Variants in UNK observed in about 807,000 individuals in gnomAD.
UNK encodes RING finger protein unkempt homolog.
A neutral mutation model predicts 97.6 loss-of-function variants in UNK; 32 were observed. That is an observed-to-expected ratio of 0.33 (90% CI 0.25 to 0.44). UNK has a LOEUF of 0.44. Ranked by LOEUF, UNK falls within the 20% of genes least tolerant of loss-of-function variation. The probability of loss-of-function intolerance (pLI) is 1.00; values close to 1 mark genes in which losing one functional copy is unlikely to be tolerated. For missense variants in UNK, 771 were observed against 1,098.4 expected (o/e 0.70, Z 4.21); for synonymous variants, 441 against 461.2 (o/e 0.96, Z 0.56).
chr17:75,822,641 T>G lies in UNK; in HGVS notation c.2002T>G (p.Trp668Gly), dbSNP rs1400984937. Reference protein sequence around the residue: ...NSTIKQWEESWKQAKQACDAW... With the variant: ...NSTIKQWEESGKQAKQACDAW... ...CACCATCAAGCAGTGGGAGGAGTCC[T>G]GGAAGCAGGCCAAGCAGGTACCAGG... The change falls in exon 14 of 16, where the codon TGG becomes GGG. Residue 668 changes from tryptophan to glycine, a missense_variant. This residue lies in a region of UNK where 208 missense variants were observed against 257.4 expected (regional missense o/e 0.81). Transcript: ENST00000589666. 6 of 1,608,518 alleles carry G rather than the reference T, an allele frequency of 3.7e-6. No individual in the cohort carries two copies. The highest frequency in any genetic ancestry group is 3.4e-6 in the Non-Finnish European group (4 of 1,177,524).
intron 2 of UNK, 132 bp downstream of exon 2, chr17:75,810,101 G>A: frequency 9.2e-7 from 1 of 1,087,500 alleles, no homozygotes; most frequent in Non-Finnish European, 1.3e-6. Context: ...CCCGAGCCTG[G>A]ACTCAGACCC....
chr17:75,793,069 T>TA (rs768317940), intron 1 of UNK, among the ~76,000 whole-genome samples: 18 of 152,214 alleles, frequency 1.2e-4, no homozygotes, highest in Non-Finnish European at 1.0e-4. Flanking sequence ...AGATAAGAAA[T>TA]ACGTATTCAG....
At position 75,785,093 on chromosome 17, in the gene UNK, C is replaced by T. The variant is rs9903538; in HGVS notation, c.104+109C>T. ...AGGCGGCCTCTTCCTCCCCCCCTTC[C>T]TCCTCCGGCCCGGCCCAGACCGGTT... On this transcript the variant is annotated intron_variant, in intron 1 of 15. Coordinates refer to ENST00000589666, the MANE Select transcript of UNK (RefSeq NM_001080419.3). 621 of 702,688 alleles carry T rather than the reference C, an allele frequency of 8.8e-4. 4 individuals carry two copies. The highest frequency in any genetic ancestry group is 1.3e-3 in the African/African-American group (66 of 51,904). 43.5% of individuals were successfully genotyped at this position (702,688 alleles called of 1,614,324 possible).
rs866279113 is a variant in UNK, at chr17:75,795,975, T to A, written c.104+10991T>A. On this transcript the variant is annotated intron_variant, in intron 1 of 15. Transcript: ENST00000589666. Reference sequence around the variant, plus strand: ...GCTCCCCCACTGTAAAACACTGACTTGCTTGAGTGCCCGTAGCACTTGAAC... The same window carrying A: ...GCTCCCCCACTGTAAAACACTGACTAGCTTGAGTGCCCGTAGCACTTGAAC... 2.6e-5 allele frequency among the ~76,000 whole-genome samples: 4 copies of A among 152,302 alleles called. No homozygotes were observed. In the Middle Eastern group the frequency reaches 0.01, roughly 389 times the overall value.
At chr17:75,801,213 GTT>G (rs1193336403) in intron 1 of UNK, among the ~76,000 whole-genome samples, 2 of 152,006 alleles carry the variant, frequency 1.3e-5, no homozygotes, top group Non-Finnish European at 2.9e-5. Flanking sequence ...AGCATACCAT[GTT>G]TTATACGTTC....
chr17:75,818,913 C>T lies in UNK; in HGVS notation c.1546+97C>T, dbSNP rs1274122592. On this transcript the variant is annotated intron_variant, in intron 11 of 15. Transcript: ENST00000589666. This position sits in a 1 kb window ranked among gnomAD's most constrained non-coding sequence, Gnocchi z 5.1. ...AGTCTCAAATCAGCACACCAGACCC[C>T]TTAGACATCTGTCTTCGGAAAATCA... 1 of 1,351,220 alleles carries T rather than the reference C, an allele frequency of 7.4e-7. No individual in the cohort carries two copies. The highest frequency in any genetic ancestry group is 9.8e-7 in the Non-Finnish European group (1 of 1,022,324). 83.7% of individuals were successfully genotyped at this position (1,351,220 alleles called of 1,614,324 possible).
At position 75,812,194 on chromosome 17, in the gene UNK, G is replaced by C. The variant is rs1342229606; in HGVS notation, c.397G>C (p.Glu133Gln). 6.2e-7 allele frequency: 1 copy of C among 1,613,944 alleles called. No individual in the cohort carries two copies. The highest frequency in any genetic ancestry group is 8.5e-7 in the Non-Finnish European group (1 of 1,179,946). Residue 133 changes from glutamate (E) to glutamine (Q), a missense_variant, in exon 3 of 16, where the codon GAG becomes CAG. By Grantham distance (29) the Glu-to-Gln change is conservative. This residue lies in a region of UNK where 246 missense variants were observed against 440.7 expected (regional missense o/e 0.56). Transcript: ENST00000589666. ...RYYKTGICIH[E>Q]TDSKGNCTKN... Reference sequence around the variant, plus strand: ...CTACAAAACTGGAATCTGCATCCACGAGACAGACTCGAAAGGCAACTGCAC... The same window carrying C: ...CTACAAAACTGGAATCTGCATCCACCAGACAGACTCGAAAGGCAACTGCAC...
chr17:75,823,441 C>A lies in UNK; in HGVS notation c.2196C>A (p.Phe732Leu). ...CTGAGCCCCAGGCCCTGCCCGCCTT[C>A]TCCGACCTGGAGGCGCTCTCACTCT... Reference protein sequence around the residue: ...AGPEPQALPAFSDLEALSLST... With the variant: ...AGPEPQALPALSDLEALSLST... The change falls in exon 15 of 16, where the codon TTC becomes TTA. Residue 732 changes from phenylalanine (F) to leucine (L), a missense_variant. Phe to Leu is a conservative substitution (Grantham distance 22, BLOSUM62 0). Around this residue, in one of 5 missense-constraint regions of UNK, gnomAD observed 208 missense variants for 257.4 expected, o/e 0.81. Coordinates refer to ENST00000589666, the MANE Select transcript of UNK (RefSeq NM_001080419.3). 1 of 1,589,538 alleles carries A rather than the reference C, an allele frequency of 6.3e-7. No homozygotes were observed. The highest frequency in any genetic ancestry group is 8.6e-7 in the Non-Finnish European group (1 of 1,166,332).
rs534424718 is a variant in UNK, at chr17:75,817,206, G to A, written c.1105-120G>A. 28 of 1,205,262 alleles carry A rather than the reference G, an allele frequency of 2.3e-5. No homozygotes were observed. The highest frequency in any genetic ancestry group is 6.1e-5 in the African/African-American group (4 of 65,112). The allele number at this position is 1,205,262 out of a possible 1,614,324, so 74.7% of individuals were successfully genotyped here. A position where few individuals can be genotyped will look rare whatever the true frequency, so the allele number is the denominator to read the frequency against. The stretch of plus-strand genomic sequence containing the variant: ...GCTCCCCGAGTGGTCACTGCTGCTC[G>A]TTGGCAGATGAAAGTGGAACTGAGC... On this transcript the variant is annotated intron_variant, in intron 8 of 15. Coordinates refer to ENST00000589666, the MANE Select transcript of UNK (RefSeq NM_001080419.3). The surrounding 1 kb of genome is among the most constrained non-coding windows in gnomAD (Gnocchi z 5.8).
chr17:75,803,760 T>A (rs921045114), intron 1 of UNK, among the ~76,000 whole-genome samples: 9 of 152,190 alleles, frequency 5.9e-5, no homozygotes, highest in Non-Finnish European at 1.2e-4. Context: ...CGCGCAGTAG[T>A]TTGATGGCTT....
intron 1 of UNK, among the ~76,000 whole-genome samples, chr17:75,801,911 G>C (rs959145805): frequency 6.6e-6 from 1 of 150,648 alleles, no homozygotes; most frequent in South Asian, 2.1e-4. Context: ...GTACAGTGGT[G>C]CGCTCAGCTC....
intron 13 of UNK, 151 bp from the exon 14 acceptor site, chr17:75,822,326 C>T: frequency 1.0e-6 from 1 of 953,654 alleles, no homozygotes; most frequent in Admixed American, 2.9e-5. Flanking sequence ...CACAGCCTTC[C>T]TGTCCCTGCA....
At position 75,817,402 on chromosome 17, in the gene UNK, C is replaced by T. The variant is rs2062027083; in HGVS notation, c.1181C>T (p.Pro394Leu). 3 of 1,612,372 alleles carry T rather than the reference C, an allele frequency of 1.9e-6. No individual in the cohort carries two copies. The highest frequency in any genetic ancestry group is 2.2e-5 in the East Asian group (1 of 44,868). The change falls in exon 9 of 16, where the codon CCA (proline) becomes CTA (leucine). Residue 394 changes from proline to leucine, a missense_variant. Around this residue, in one of 5 missense-constraint regions of UNK, gnomAD observed 192 missense variants for 202.4 expected, o/e 0.95. Transcript: ENST00000589666. This position sits in a 1 kb window ranked among gnomAD's most constrained non-coding sequence, Gnocchi z 5.8. ...GSPPGSIRKPPNLEGIVFPGE... is the reference protein window; with the variant it reads ...GSPPGSIRKPLNLEGIVFPGE... ...CCACCGGGCTCCATCAGGAAGCCCC[C>T]AAACCTGGAGGGCATCGTCTTCCCT...
chr17:75,786,286 G>A (rs980112332), intron 1 of UNK, among the ~76,000 whole-genome samples: 3 of 152,152 alleles, frequency 2.0e-5, no homozygotes, highest in Non-Finnish European at 2.9e-5. Context: ...GTTGAATGGT[G>A]TAGTCTTGAT....
At chr17:75,794,699 G>C (rs1460882353) in intron 1 of UNK, among the ~76,000 whole-genome samples, 1 of 152,064 alleles carries the variant, frequency 6.6e-6, no homozygotes, top group Non-Finnish European at 1.5e-5. Context: ...CTGACTCCAG[G>C]GTCACACCAC....
chr17:75,816,787 G>C lies in UNK; in HGVS notation c.979G>C (p.Asp327His), dbSNP rs763227592. ...AHVEQPPLSDDLQPSSAVSSP... is the reference protein window; with the variant it reads ...AHVEQPPLSDHLQPSSAVSSP... ...TCTTGCAGAGCCACCCCTGAGTGAC[G>C]ACCTGCAGCCTTCCTCAGCTGTGTC... Residue 327 changes from aspartate (D) to histidine (H), a missense_variant, in exon 8 of 16, where the codon GAC (aspartate) becomes CAC (histidine). Coordinates refer to ENST00000589666, the MANE Select transcript of UNK (RefSeq NM_001080419.3). This position sits in a 1 kb window ranked among gnomAD's most constrained non-coding sequence, Gnocchi z 4.0. 3 of 1,604,132 alleles carry C rather than the reference G, an allele frequency of 1.9e-6. No individual in the cohort carries two copies. The highest frequency in any genetic ancestry group is 1.7e-5 in the Admixed American group (1 of 59,968).
intron 1 of UNK, among the ~76,000 whole-genome samples, chr17:75,797,095 TTTTCC>T (rs916043161): frequency 2.0e-5 from 3 of 152,278 alleles, no homozygotes; most frequent in East Asian, 1.9e-4. Context: ...GGCTTTTTGT[TTTTCC>T]TTTCCTTTAG....
At chr17:75,803,124 C>CACGGTG in intron 1 of UNK, among the ~76,000 whole-genome samples, 1 of 149,312 alleles carries the variant, frequency 6.7e-6, no homozygotes, top group Non-Finnish European at 1.5e-5. Context: ...ACAGGCCGGA[C>CACGGTG]GCGGTGGCTC....
chr17:75,820,114 A>C lies in UNK; in HGVS notation c.1837+6A>C. The C allele has an allele frequency of 6.2e-7, 1 of 1,604,122 alleles. No individual in the cohort carries two copies. On this transcript the variant is annotated splice_donor_region_variant and intron_variant, in intron 13 of 15. Transcript: ENST00000589666. ...AGCATCACATGGATCTTTGGGTAAG[A>C]GAGGGAGTGGTTCACTCAGGAGAAC...
Sources: allele counts gnomAD v4.1 joint callset (sites outside exome capture counted in the v4.1 genomes callset), GRCh38; gene constraint gnomAD v4.1.1; regional missense constraint gnomAD v4.1.1; non-coding constraint Gnocchi (gnomAD v3.1); transcripts MANE v1.5; gene names NCBI Gene and HGNC (gene_info 2026-07-23, HGNC 2026-07-21).